PDLIM5: variants seen among roughly 807,000 people sequenced by gnomAD.
The protein encoded by PDLIM5 is PDZ and LIM domain 5, also known as PDZ and LIM domain protein 5.
In PDLIM5, 34 loss-of-function variants were observed where a neutral mutation model predicts 64.2. The ratio of observed to expected loss-of-function variants is 0.53; its 90% CI spans 0.40 to 0.71. The LOEUF is 0.71. Among genes scored for constraint, PDLIM5 ranks in the 30% least tolerant of loss-of-function variants. PDLIM5 has a pLI of 0.00. For missense variants in PDLIM5, 683 were observed against 733.6 expected, an observed-to-expected ratio of 0.93 and a Z score of 0.80; for synonymous variants, 253 against 269.1, an observed-to-expected ratio of 0.94 and a Z score of 0.59.
At chr4:94,571,180 A>G (rs139486401) in intron 3 of PDLIM5, among the ~76,000 whole-genome samples, 8 of 152,320 alleles carry the variant, frequency 5.3e-5, no homozygotes, top group African/African-American at 1.4e-4. Flanking sequence ...AATTTTTCCT[A>G]TACATTATTC....
At chr4:94,650,715 C>T (rs1741776435) in intron 9 of PDLIM5, among the ~76,000 whole-genome samples, 1 of 152,142 alleles carries the variant, frequency 6.6e-6, no homozygotes, top group Non-Finnish European at 1.5e-5. Flanking sequence ...TTAGGTTGTG[C>T]CTGTTGAAAT....
At chr4:94,617,918 T>C in intron 7 of PDLIM5, 86 bp from the exon 8 acceptor site, 1 of 670,752 alleles carries the variant, frequency 1.5e-6, no homozygotes, top group Non-Finnish European at 2.4e-6. Context: ...GGATTTTGAT[T>C]GATTAATGGA....
At chr4:94,507,852 A>G (rs1247822490) in intron 2 of PDLIM5, among the ~76,000 whole-genome samples, 1 of 152,214 alleles carries the variant, frequency 6.6e-6, no homozygotes, top group Non-Finnish European at 1.5e-5. Flanking sequence ...GAATCAGCAG[A>G]CAGTGTGCTG....
At chr4:94,661,530 AG>A (rs563322811) in intron 11 of PDLIM5, among the ~76,000 whole-genome samples, 22 of 152,344 alleles carry the variant, frequency 1.4e-4, no homozygotes, top group Admixed American at 1.4e-3. Flanking sequence ...TTTCTGGCTA[AG>A]GGTTTTCAAC....
intron 8 of PDLIM5, among the ~76,000 whole-genome samples, chr4:94,624,830 G>A (rs1047044364): frequency 6.6e-6 from 1 of 152,156 alleles, no homozygotes; most frequent in Non-Finnish European, 1.5e-5. Flanking sequence ...GGTTTTGAAT[G>A]TAAGAGTGTG....
chr4:94,456,671 C>A, intron 2 of PDLIM5: 1 of 1,175,110 alleles, frequency 8.5e-7, no homozygotes, highest in Non-Finnish European at 1.2e-6. Context: ...TTCCATATTA[C>A]TGTTACAGTG....
intron 2 of PDLIM5, among the ~76,000 whole-genome samples, chr4:94,486,117 C>T (rs1726312567): frequency 1.3e-5 from 2 of 152,168 alleles, no homozygotes; most frequent in Admixed American, 1.3e-4. Context: ...GTTCCAACCA[C>T]TCAGTACAGA....
intron 8 of PDLIM5, among the ~76,000 whole-genome samples, chr4:94,630,047 A>G (rs1161105757): frequency 6.6e-6 from 1 of 152,190 alleles, no homozygotes; most frequent in African/African-American, 2.4e-5. Flanking sequence ...GCAGAGAAGA[A>G]AGCACTTGCT....
At position 94,523,835 on chromosome 4, in the gene PDLIM5, A is replaced by G; in HGVS notation, c.208A>G (p.Ile70Val). Residue 70 changes from isoleucine (I) to valine (V), a missense_variant, in exon 3 of 13, where the codon ATT (isoleucine) becomes GTT (valine). Coordinates refer to ENST00000317968, the MANE Select transcript of PDLIM5 (RefSeq NM_006457.5). ...GACTCATCTTGAAGCCCAGAATAAG[A>G]TTAAGGGTTGTACAGGCTCTTTGAA... ...GMTHLEAQNK[I>V]KGCTGSLNMT... The G allele has an allele frequency of 6.2e-7, 1 of 1,613,480 alleles. No homozygotes were observed.
At chr4:94,484,463 T>C (rs1726138651) in intron 2 of PDLIM5, among the ~76,000 whole-genome samples, 1 of 152,220 alleles carries the variant, frequency 6.6e-6, no homozygotes, top group Admixed American at 6.5e-5. Flanking sequence ...TATATAACTA[T>C]GTAACATATG....
chr4:94,610,347 C>G (rs1314890894), intron 7 of PDLIM5: 3 of 1,328,340 alleles, frequency 2.3e-6, no homozygotes, highest in Non-Finnish European at 3.0e-6. Context: ...GATCTCAGCG[C>G]TCTTCACTGT....
chr4:94,546,327 C>T (rs1054672612), intron 3 of PDLIM5, among the ~76,000 whole-genome samples: 1 of 152,112 alleles, frequency 6.6e-6, no homozygotes, highest in African/African-American at 2.4e-5. Context: ...CCCACCCGGC[C>T]CCACACATCT....
intron 8 of PDLIM5, among the ~76,000 whole-genome samples, chr4:94,631,711 G>A (rs1740161845): frequency 6.6e-6 from 1 of 152,154 alleles, no homozygotes; most frequent in African/African-American, 2.4e-5. Flanking sequence ...CATAGTTTTT[G>A]GAGTGAAATA....
chr4:94,506,883 C>T (rs1728442621), intron 2 of PDLIM5, among the ~76,000 whole-genome samples: 1 of 152,166 alleles, frequency 6.6e-6, no homozygotes, highest in Non-Finnish European at 1.5e-5. Flanking sequence ...ACCGCTAGAA[C>T]AAAGCAGGCA....
rs112749700 is a variant in PDLIM5 at position 94,472,149 on chromosome 4, T to TAC, written c.96+16776_96+16777dup. Among the ~76,000 whole-genome samples, 55 of 152,016 alleles carry TAC rather than the reference T, an allele frequency of 3.6e-4. 1 individual carries two copies. Among genetic ancestry groups the TAC allele is most frequent in the African/African-American group, 1.2e-3 (48 of 41,494 alleles). ...GATTTTCTAGAAGCAATTTTTTTAA[T>TAC]ACACACACACACGCGCACACACACA... On this transcript the variant is annotated intron_variant, in intron 2 of 12. Coordinates refer to ENST00000317968, the MANE Select transcript of PDLIM5 (RefSeq NM_006457.5).
intron 2 of PDLIM5, among the ~76,000 whole-genome samples, chr4:94,492,591 G>A (rs978215776): frequency 6.6e-6 from 1 of 151,974 alleles, no homozygotes; most frequent in African/African-American, 2.4e-5. Flanking sequence ...TGTCTTTACG[G>A]ATTTACCTAT....
Position 94,455,381 on chromosome 4 carries a change from T to C in PDLIM5, c.93T>C (p.Ser31=), listed in dbSNP as rs1158741897. The stretch of plus-strand genomic sequence containing the variant: ...ATTTCAACATGCCTCTGACAATCTC[T>C]AGTGTAAGTAAACTTTACAAATTTT... The part of the protein sequence containing the change: ...GKDFNMPLTI[S]SLKDGGKAAQ... Residue 31 remains serine, a synonymous_variant, in exon 2 of 13, where the codon TCT becomes TCC. Transcript: ENST00000317968. 1.3e-6 allele frequency: 2 copies of C among 1,595,728 alleles called. No homozygotes were observed. The highest frequency in any genetic ancestry group is 1.7e-6 in the Non-Finnish European group (2 of 1,163,294).
chr4:94,485,337 C>T (rs1435830589), intron 2 of PDLIM5, among the ~76,000 whole-genome samples: 1 of 152,160 alleles, frequency 6.6e-6, no homozygotes, highest in African/African-American at 2.4e-5. Context: ...CTCGTGTTAG[C>T]ACCGTAGGAT....
chr4:94,598,162 A>T (rs975535779), intron 7 of PDLIM5, among the ~76,000 whole-genome samples: 1 of 152,180 alleles, frequency 6.6e-6, no homozygotes, highest in African/African-American at 2.4e-5. Context: ...ATTTGTGAGT[A>T]CCATGAAGCA....
Sources: allele counts gnomAD v4.1 joint callset (sites outside exome capture counted in the v4.1 genomes callset), GRCh38; gene constraint gnomAD v4.1.1; transcripts MANE v1.5; gene names NCBI Gene and HGNC (gene_info 2026-07-23, HGNC 2026-07-21).